The following GPR153 variants were observed in gnomAD, a reference collection of about 807,000 sequenced individuals.
GPR153 encodes G protein-coupled receptor 153.
In GPR153, 27 loss-of-function variants were observed where a neutral mutation model predicts 34.1. The ratio of observed to expected loss-of-function variants is 0.79; its 90% confidence interval spans 0.58 to 1.09. The LOEUF (loss-of-function observed/expected upper bound fraction) is 1.09, where lower values mean the gene tolerates loss of function less well. GPR153 is among the 50% of genes least tolerant of loss of function. The pLI is 0.00. For missense variants in GPR153, 848 were observed against 860.2 expected, an observed-to-expected ratio of 0.99 and a Z score of 0.18; for synonymous variants, 408 against 405.4, an observed-to-expected ratio of 1.01 and a Z score of -0.08.
At position 6,252,359 on chromosome 1, in the gene GPR153, G is replaced by A. The variant is rs567627415; in HGVS notation, c.787-829C>T. Among the ~76,000 whole-genome samples the A allele has an allele frequency of 5.9e-4, 89 of 152,134 alleles. No homozygotes were observed. The South Asian group carries it at 7.3e-3, about 12-fold the overall frequency. ...CCCCACAAGCTGTACCCTCTTCCCCGTCCGTAAGAGACGCAGGGGTGGTTC... is the reference window on the plus strand; with the variant it reads ...CCCCACAAGCTGTACCCTCTTCCCCATCCGTAAGAGACGCAGGGGTGGTTC... On this transcript the variant is annotated intron_variant, in intron 3 of 5. Transcript: ENST00000377893.
Position 6,247,423 on chromosome 1 carries a change from A to AG in GPR153, c.*1914dup. 6.6e-6 allele frequency: 1 copy of AG among 152,304 alleles called. No individual in the cohort carries two copies. The highest frequency in any genetic ancestry group is 2.4e-5 in the African/African-American group (1 of 41,556). 9.4% of individuals were successfully genotyped at this position (152,304 alleles called of 1,614,324 possible). A position where few individuals can be genotyped will look rare whatever the true frequency, so the allele number is the denominator to read the frequency against. On this transcript the variant is annotated 3_prime_UTR_variant, in exon 6 of 6. Transcript: ENST00000377893. Reference sequence around the variant, plus strand: ...ATGCTCCGTTGTCAAAAAACTACAAAGGGATCCCTGGCTCTGGGTGTGCTA... The same window carrying AG: ...ATGCTCCGTTGTCAAAAAACTACAAAGGGGATCCCTGGCTCTGGGTGTGCTA...
Position 6,249,256 on chromosome 1 carries a change from G to A in GPR153, c.*82C>T, listed in dbSNP as rs889094099. ...GAGGGGTGGCGCATGTCTGCGCGCG[G>A]GGCGGAGGCGGGCGTCTTTGGTGCT... On this transcript the variant is annotated 3_prime_UTR_variant, in exon 6 of 6. Coordinates refer to ENST00000377893, the MANE Select transcript of GPR153 (RefSeq NM_207370.4). The surrounding 1 kb of genome is among the most constrained non-coding windows in gnomAD (Gnocchi z 4.3). 7 of 1,038,954 alleles carry A rather than the reference G, an allele frequency of 6.7e-6. No homozygotes were observed. The highest frequency in any genetic ancestry group is 8.4e-5 in the South Asian group (2 of 23,784). 64.4% of individuals were successfully genotyped at this position (1,038,954 alleles called of 1,614,324 possible).
rs763222934 is a variant in GPR153 at position 6,250,530 on chromosome 1, C to T, written c.1074G>A (p.Met358Ile). The T allele has an allele frequency of 5.0e-6, 8 of 1,608,156 alleles. No individual in the cohort carries two copies. The South Asian group carries it at 7.8e-5, about 16-fold the overall frequency. The change falls in exon 5 of 6, where the codon ATG (methionine) becomes ATA (isoleucine). Residue 358 changes from methionine to isoleucine, a missense_variant. Physicochemically the swap from Met to Ile is conservative, Grantham distance 10 (BLOSUM62 1). Transcript: ENST00000377893. Reference sequence around the variant, plus strand: ...CCAGGGCGGAGATCTCATACTTGGCCATCCTATCTAGGGCCACAAAATCAC... The same window carrying T: ...CCAGGGCGGAGATCTCATACTTGGCTATCCTATCTAGGGCCACAAAATCAC... ...YGGDFVALDR[M>I]AKYEISALEG... is the part of the protein sequence containing the mutation.
Position 6,247,778 on chromosome 1 carries a change from C to T in GPR153, c.*1560G>A, listed in dbSNP as rs773559786. ...TCCTTGAAGGCACAGCAGCATTGGC[C>T]AGAGATGGCCCCTCCCGCGGCCAGG... On this transcript the variant is annotated 3_prime_UTR_variant, in exon 6 of 6. Transcript: ENST00000377893. 1 of 152,306 alleles carries T rather than the reference C, an allele frequency of 6.6e-6. No individual in the cohort carries two copies. Among genetic ancestry groups the T allele is most frequent in the Non-Finnish European group, 1.5e-5 (1 of 68,076 alleles). 9.4% of individuals were successfully genotyped at this position (152,306 alleles called of 1,614,324 possible).
intron 1 of GPR153, among the ~76,000 whole-genome samples, chr1:6,260,137 G>C (rs778789563): frequency 2.0e-5 from 3 of 152,136 alleles, no homozygotes; most frequent in Non-Finnish European, 2.9e-5. Context: ...ATGAGGCCGC[G>C]CGGCCCCGAG....
rs1184111673 is a variant in GPR153, at chr1:6,249,383, C to G, written c.1785G>C (p.Ser595=). ...AGTCCGAGTGCAGCGTGGCGTAGCC[C>G]GAGGACTCGGAGGGGGAACTCAGGA... is the stretch of plus-strand genomic sequence containing the variant. ...SSFLSSPSES[S]GYATLHSDSL... is the part of the protein sequence containing the mutation. Residue 595 remains serine (S), a synonymous_variant, in exon 6 of 6, where the codon TCG becomes TCC. Transcript: ENST00000377893. The surrounding 1 kb of genome is among the most constrained non-coding windows in gnomAD (Gnocchi z 4.3). The G allele has an allele frequency of 6.6e-6, 9 of 1,366,964 alleles. No homozygotes were observed. Among genetic ancestry groups the G allele is most frequent in the Non-Finnish European group, 6.6e-6 (7 of 1,066,330 alleles). 84.7% of individuals were successfully genotyped at this position (1,366,964 alleles called of 1,614,324 possible). A position where few individuals can be genotyped will look rare whatever the true frequency, so the allele number is the denominator to read the frequency against.
At chr1:6,252,630 TG>T (rs1638473660) in intron 3 of GPR153, among the ~76,000 whole-genome samples, 1 of 152,222 alleles carries the variant, frequency 6.6e-6, no homozygotes, top group African/African-American at 2.4e-5. Context: ...GTCACCATTC[TG>T]GAGCTCATGT....
At position 6,251,620 on chromosome 1, in the gene GPR153, A is replaced by G; in HGVS notation, c.787-90T>C. 1 of 1,338,262 alleles carries G rather than the reference A, an allele frequency of 7.5e-7. No individual in the cohort carries two copies. The highest frequency in any genetic ancestry group is 9.9e-7 in the Non-Finnish European group (1 of 1,007,818). The allele number at this position is 1,338,262 out of a possible 1,614,324, so 82.9% of individuals were successfully genotyped here. A position where few individuals can be genotyped will look rare whatever the true frequency, so the allele number is the denominator to read the frequency against. On this transcript the variant is annotated intron_variant, in intron 3 of 5. Coordinates refer to ENST00000377893, the MANE Select transcript of GPR153 (RefSeq NM_207370.4). This position sits in a 1 kb window ranked among gnomAD's most constrained non-coding sequence, Gnocchi z 4.9. ...GTCTCGGTCTCCCCATGTGTACGGC[A>G]GGTCTGACAGGTGGGTATCTGCCAA...
Position 6,254,556 on chromosome 1 carries a change from T to A in GPR153, c.350A>T (p.Asn117Ile). Residue 117 changes from asparagine to isoleucine, a missense_variant, in exon 2 of 6, where the codon AAC becomes ATC. Transcript: ENST00000377893. ...HRMWMVCWPV[N>I]YRLSNAKKQA... The stretch of plus-strand genomic sequence containing the variant: ...CAGAACTTCACATGCTCACCGGTAG[T>A]TGACAGGCCAGCAGACCATCCACAT... 2 of 1,564,782 alleles carry A rather than the reference T, an allele frequency of 1.3e-6. No individual in the cohort carries two copies. Among genetic ancestry groups the A allele is most frequent in the Non-Finnish European group, 8.7e-7 (1 of 1,155,752 alleles).
chr1:6,249,262 A>G lies in GPR153; in HGVS notation c.*76T>C. 9.3e-7 allele frequency: 1 copy of G among 1,072,208 alleles called. No homozygotes were observed. Among genetic ancestry groups the G allele is most frequent in the Non-Finnish European group, 1.2e-6 (1 of 842,054 alleles). The allele number at this position is 1,072,208 out of a possible 1,614,324, so 66.4% of individuals were successfully genotyped here. ...TGGCGCATGTCTGCGCGCGGGGCGG[A>G]GGCGGGCGTCTTTGGTGCTGCGGCC... On this transcript the variant is annotated 3_prime_UTR_variant, in exon 6 of 6. Transcript: ENST00000377893. The surrounding 1 kb of genome is among the most constrained non-coding windows in gnomAD (Gnocchi z 4.3).
At chr1:6,258,346 C>T (rs952832740) in intron 1 of GPR153, among the ~76,000 whole-genome samples, 2 of 152,300 alleles carry the variant, frequency 1.3e-5, no homozygotes, top group Admixed American at 1.3e-4. Flanking sequence ...CCAGGCTGGT[C>T]TCGAACTCCT....
At position 6,254,949 on chromosome 1, in the gene GPR153, A is replaced by G. The variant is rs2100990517; in HGVS notation, c.-44T>C. On this transcript the variant is annotated 5_prime_UTR_variant, in exon 2 of 6. Transcript: ENST00000377893. ...CAGGCGGCTGTGGCATCCTCCTTGG[A>G]GCCAGGTCTCAGGGAGCAGCAGCCC... 3 of 1,443,858 alleles carry G rather than the reference A, an allele frequency of 2.1e-6. No homozygotes were observed. Among genetic ancestry groups the G allele is most frequent in the Non-Finnish European group, 2.8e-6 (3 of 1,078,814 alleles). 89.4% of individuals were successfully genotyped at this position (1,443,858 alleles called of 1,614,324 possible).
chr1:6,251,540 C>T lies in GPR153; in HGVS notation c.787-10G>A. On this transcript the variant is annotated splice_polypyrimidine_tract_variant and intron_variant, in intron 3 of 5. Coordinates refer to ENST00000377893, the MANE Select transcript of GPR153 (RefSeq NM_207370.4). The surrounding 1 kb of genome is among the most constrained non-coding windows in gnomAD (Gnocchi z 4.9). ...TGCTGAAGCTCACCACCTGTGGGCACAGGGCTCGGCCTGGCACCTGCAGGA... is the reference window on the plus strand; with the variant it reads ...TGCTGAAGCTCACCACCTGTGGGCATAGGGCTCGGCCTGGCACCTGCAGGA... The T allele has an allele frequency of 6.3e-7, 1 of 1,576,308 alleles. No homozygotes were observed. Among genetic ancestry groups the T allele is most frequent in the Non-Finnish European group, 8.6e-7 (1 of 1,163,756 alleles).
chr1:6,260,360 C>T (rs1425516488), intron 1 of GPR153, among the ~76,000 whole-genome samples: 4 of 126,102 alleles, frequency 3.2e-5, no homozygotes, highest in African/African-American at 1.2e-4. Context: ...ACAGTCCCAA[C>T]CCCCTGGGGC....
chr1:6,256,082 A>C (rs1638564028), intron 1 of GPR153, among the ~76,000 whole-genome samples: 1 of 152,160 alleles, frequency 6.6e-6, no homozygotes, highest in South Asian at 2.1e-4. Context: ...GGCGTGAGCC[A>C]TAGTGCCTGG....
chr1:6,252,774 G>T (rs1638476353), intron 3 of GPR153, among the ~76,000 whole-genome samples: 1 of 152,182 alleles, frequency 6.6e-6, no homozygotes, highest in African/African-American at 2.4e-5. Flanking sequence ...GAGTCCTGCA[G>T]GGGGCAGGGG....
At chr1:6,250,761 G>C in intron 4 of GPR153, 137 bp from the exon 5 acceptor site, 1 of 594,616 alleles carries the variant, frequency 1.7e-6, no homozygotes, top group Non-Finnish European at 3.0e-6. Flanking sequence ...TAGCTGAAAA[G>C]GGAATGGGAG....
Position 6,253,976 on chromosome 1 carries a change from G to C in GPR153, c.528C>G (p.Phe176Leu). 6.2e-7 allele frequency: 1 copy of C among 1,613,090 alleles called. No homozygotes were observed. Among genetic ancestry groups the C allele is most frequent in the Non-Finnish European group, 8.5e-7 (1 of 1,179,852 alleles). The change falls in exon 3 of 6, where the codon TTC becomes TTG. Residue 176 changes from phenylalanine to leucine, a missense_variant. Coordinates refer to ENST00000377893, the MANE Select transcript of GPR153 (RefSeq NM_207370.4). ...CCACGCTGCCGCCCACCAGCAGCAG[G>C]AAGCAGACGCCAAAGCCCAGGCCGA... is the stretch of plus-strand genomic sequence containing the variant. Reference protein sequence around the residue: ...AEIGLGFGVCFLLLVGGSVAM... With the variant: ...AEIGLGFGVCLLLLVGGSVAM...
chr1:6,256,947 C>T (rs1010179710), intron 1 of GPR153, among the ~76,000 whole-genome samples: 4 of 152,218 alleles, frequency 2.6e-5, no homozygotes, highest in Non-Finnish European at 4.4e-5. Flanking sequence ...CTCCACGCCC[C>T]GGGAGGACCC....
Sources: allele counts gnomAD v4.1 joint callset (sites outside exome capture counted in the v4.1 genomes callset), GRCh38; gene constraint gnomAD v4.1.1; non-coding constraint Gnocchi (gnomAD v3.1); transcripts MANE v1.5; gene names NCBI Gene and HGNC (gene_info 2026-07-23, HGNC 2026-07-21).